Variants in MBD2 observed in about 807,000 individuals in gnomAD.
The protein encoded by MBD2 is methyl-CpG binding domain protein 2.
In MBD2, 9 loss-of-function variants were observed where a neutral mutation model predicts 39.3. The observed-to-expected ratio is 0.23, with a 90% CI of 0.14 to 0.40. The LOEUF is 0.40. Among genes scored for constraint, MBD2 ranks in the 10% least tolerant of loss-of-function variants. The pLI is 1.00. For synonymous variants in MBD2, 233 were observed against 211.1 expected (o/e 1.10, Z -0.90); for missense variants, 458 against 532.6 (o/e 0.86, Z 1.38).
intron 5 of MBD2, among the ~76,000 whole-genome samples, chr18:54,163,543 T>G (rs1328734995): frequency 2.0e-5 from 3 of 152,150 alleles, no homozygotes; most frequent in Admixed American, 6.5e-5. Flanking sequence ...TGGAGTACTT[T>G]TGCTTTTCCT....
intron 2 of MBD2, among the ~76,000 whole-genome samples, chr18:54,194,718 A>G (rs1362864835): frequency 2.0e-5 from 3 of 152,064 alleles, no homozygotes; most frequent in Non-Finnish European, 4.4e-5. Flanking sequence ...TGTTCACATT[A>G]ATGAGTAGAT....
intron 5 of MBD2, 57 bp downstream of exon 5, chr18:54,164,466 A>C: frequency 6.5e-7 from 1 of 1,530,100 alleles, no homozygotes; most frequent in Non-Finnish European, 9.0e-7. Flanking sequence ...ATGAACAGTA[A>C]AAAATTTACC....
intron 5 of MBD2, among the ~76,000 whole-genome samples, chr18:54,161,628 T>C (rs113263775): frequency 6.6e-6 from 1 of 152,240 alleles, no homozygotes; most frequent in African/African-American, 2.4e-5. Context: ...TATCTTAAAC[T>C]CTAACATTTG....
At chr18:54,173,689 G>T (rs967601625) in intron 3 of MBD2, among the ~76,000 whole-genome samples, 3 of 152,142 alleles carry the variant, frequency 2.0e-5, no homozygotes, top group Admixed American at 6.5e-5. Context: ...CATCCCTGTT[G>T]TTTCTCATTG....
At chr18:54,160,601 A>T (rs984934975) in intron 5 of MBD2, among the ~76,000 whole-genome samples, 2 of 151,742 alleles carry the variant, frequency 1.3e-5, no homozygotes, top group African/African-American at 4.8e-5. Flanking sequence ...GCTCTGAACC[A>T]TTAGAGCACA....
intron 1 of MBD2, among the ~76,000 whole-genome samples, chr18:54,220,585 G>T (rs910037751): frequency 6.6e-6 from 1 of 152,148 alleles, no homozygotes; most frequent in Non-Finnish European, 1.5e-5. Flanking sequence ...CTAATTCAAG[G>T]GTTAGTATTA....
At chr18:54,185,120 A>T (rs2086276816) in intron 3 of MBD2, among the ~76,000 whole-genome samples, 1 of 152,226 alleles carries the variant, frequency 6.6e-6, no homozygotes, top group Admixed American at 6.5e-5. Context: ...CAGTGACTTT[A>T]AACTGCACAT....
At chr18:54,216,237 A>C (rs960253813) in intron 1 of MBD2, among the ~76,000 whole-genome samples, 2 of 152,176 alleles carry the variant, frequency 1.3e-5, no homozygotes, top group Non-Finnish European at 2.9e-5. Context: ...CACACACACA[A>C]GTTTGAGGAA....
chr18:54,219,057 T>C (rs1474640563), intron 1 of MBD2, among the ~76,000 whole-genome samples: 2 of 151,452 alleles, frequency 1.3e-5, no homozygotes, highest in Non-Finnish European at 1.5e-5. Flanking sequence ...GTAACACAAA[T>C]ACACATAGAA....
chr18:54,200,421 CTAAAA>C (rs1181772774), intron 2 of MBD2, among the ~76,000 whole-genome samples: 3 of 152,136 alleles, frequency 2.0e-5, no homozygotes, highest in Non-Finnish European at 2.9e-5. Flanking sequence ...ATCTAAAACA[CTAAAA>C]TAAACTTCTA....
chr18:54,199,754 G>T (rs997440880), intron 2 of MBD2, among the ~76,000 whole-genome samples: 4 of 151,940 alleles, frequency 2.6e-5, no homozygotes, highest in African/African-American at 9.7e-5. Context: ...TTCCTGCACA[G>T]AATTCATTCA....
At chr18:54,184,302 C>T (rs1223229669) in intron 3 of MBD2, among the ~76,000 whole-genome samples, 21 of 152,136 alleles carry the variant, frequency 1.4e-4, no homozygotes, top group Admixed American at 1.4e-3. Flanking sequence ...GCATTAAATT[C>T]TCACAGAGGC....
chr18:54,197,919 C>G (rs1220405889), intron 2 of MBD2, among the ~76,000 whole-genome samples: 1 of 152,190 alleles, frequency 6.6e-6, no homozygotes, highest in Non-Finnish European at 1.5e-5. Flanking sequence ...CCTATTCGTT[C>G]CCCTTCCCTG....
chr18:54,188,943 G>C lies in MBD2; in HGVS notation c.771C>G (p.Thr257=). 6.2e-7 allele frequency: 1 copy of C among 1,610,172 alleles called. No individual in the cohort carries two copies. The highest frequency in any genetic ancestry group is 8.5e-7 in the Non-Finnish European group (1 of 1,177,482). Residue 257 remains threonine, a synonymous_variant, in exon 3 of 7, where the codon ACC becomes ACG. Coordinates refer to ENST00000256429, the MANE Select transcript of MBD2 (RefSeq NM_003927.5). The stretch of plus-strand genomic sequence containing the variant: ...TATTACTAGGATGATTTGTGACTTT[G>C]GTTACCGGTTGTTTGAAAATTGATG... ...QTASIFKQPV[T]KVTNHPSNKV...
chr18:54,195,699 C>T (rs2086360098), intron 2 of MBD2, among the ~76,000 whole-genome samples: 1 of 151,568 alleles, frequency 6.6e-6, no homozygotes, highest in Admixed American at 6.6e-5. Flanking sequence ...CTGGACCATC[C>T]ATATATAGTC....
chr18:54,158,218 AT>A (rs2086068326), intron 6 of MBD2, among the ~76,000 whole-genome samples: 1 of 143,538 alleles, frequency 7.0e-6, no homozygotes, highest in Non-Finnish European at 1.5e-5. Flanking sequence ...GACATACTGC[AT>A]TCCAACCACG....
intron 1 of MBD2, among the ~76,000 whole-genome samples, chr18:54,216,911 T>C (rs1057227849): frequency 4.6e-5 from 7 of 152,098 alleles, no homozygotes; most frequent in Non-Finnish European, 1.0e-4. Context: ...GCCAACATGG[T>C]GAAATCTCGT....
Position 54,219,670 on chromosome 18 carries a change from C to A in MBD2, c.542+4348G>T, listed in dbSNP as rs187206919. Among the ~76,000 whole-genome samples, 11 of 152,206 alleles carry A rather than the reference C, an allele frequency of 7.2e-5. No individual in the cohort carries two copies. In the East Asian group the frequency reaches 2.1e-3, roughly 29 times the overall value. The stretch of plus-strand genomic sequence containing the variant: ...TTTTCTAGATACTACATGGAGGGTC[C>A]ATTTATTTTTTGTTTGTTTGTTTTT... On this transcript the variant is annotated intron_variant, in intron 1 of 6. Transcript: ENST00000256429.
rs1340411664 is a variant in MBD2, at chr18:54,224,512, C to A, written c.48G>T (p.Glu16Asp). ...CGCTGCCGCCCGCCGCACTCTCCCC[C>A]TCCTCCTGCTCCGGGCAGCAGCGGC... Reference protein sequence around the residue: ...GGGRCCPEQEEGESAAGGSGA... With the variant: ...GGGRCCPEQEDGESAAGGSGA... The change falls in exon 1 of 7, where the codon GAG becomes GAT. Residue 16 changes from glutamate (E) to aspartate (D), a missense_variant. Glu to Asp is a conservative substitution (Grantham distance 45, BLOSUM62 2). Transcript: ENST00000256429. 2 of 1,234,652 alleles carry A rather than the reference C, an allele frequency of 1.6e-6. No homozygotes were observed. The highest frequency in any genetic ancestry group is 1.0e-6 in the Non-Finnish European group (1 of 990,320). 76.5% of individuals were successfully genotyped at this position (1,234,652 alleles called of 1,614,324 possible). A position where few individuals can be genotyped will look rare whatever the true frequency, so the allele number is the denominator to read the frequency against.
Sources: allele counts gnomAD v4.1 joint callset (sites outside exome capture counted in the v4.1 genomes callset), GRCh38; gene constraint gnomAD v4.1.1; transcripts MANE v1.5; gene names NCBI Gene and HGNC (gene_info 2026-07-23, HGNC 2026-07-21).